Variants in CXCL17 observed in about 807,000 individuals in gnomAD.
CXCL17 encodes the protein C-X-C motif chemokine 17.
A neutral mutation model predicts 15.5 loss-of-function variants in CXCL17; 9 were observed. That is an observed-to-expected ratio of 0.58 (90% confidence interval 0.35 to 1.01). The LOEUF (loss-of-function observed/expected upper bound fraction) is 1.01. CXCL17 is among the 50% of genes least tolerant of loss of function. CXCL17 has a pLI of 0.02. For missense variants in CXCL17, 133 were observed against 138.2 expected (o/e 0.96, Z 0.19); for synonymous variants, 52 against 52.3 (o/e 0.99, Z 0.02).
At chr19:42,431,683 A>G (rs982065829) in intron 3 of CXCL17, among the ~76,000 whole-genome samples, 1 of 149,298 alleles carries the variant, frequency 6.7e-6, no homozygotes, top group Non-Finnish European at 1.5e-5. Flanking sequence ...CATTATTATT[A>G]TTATTATTTT....
At position 42,428,872 on chromosome 19, in the gene CXCL17, C is replaced by T. The variant is rs369676170; in HGVS notation, c.*12G>A. On this transcript the variant is annotated 3_prime_UTR_variant, in exon 4 of 4. Coordinates refer to ENST00000601181, the MANE Select transcript of CXCL17 (RefSeq NM_198477.3). ...GAGAATGTTTAATTGGAAGAGTGGG[C>T]GCTCAGAGCTCCTACAAAGGCAGAG... is the stretch of plus-strand genomic sequence containing the variant. The T allele has an allele frequency of 8.5e-5, 136 of 1,596,590 alleles. No homozygotes were observed. The highest frequency in any genetic ancestry group is 1.1e-4 in the Non-Finnish European group (129 of 1,164,336).
In CXCL17 at chr19:42,442,945, A is replaced by C. The variant is rs28514561; in HGVS notation, c.-113T>G. ...GTCAGGATACTCAGCCTGGTGGTCT[A>C]TGCTTTAGTCCCAGGCCAGCGTTCC... On this transcript the variant is annotated 5_prime_UTR_variant, in exon 1 of 4. Coordinates refer to ENST00000601181, the MANE Select transcript of CXCL17 (RefSeq NM_198477.3). The C allele has an allele frequency of 0.019, 14,371 of 745,534 alleles. 1,363 individuals are homozygous for C. The African/African-American group carries it at 0.21, about 11-fold the overall frequency. 46.2% of individuals were successfully genotyped at this position (745,534 alleles called of 1,614,324 possible).
At chr19:42,438,440 T>C (rs1338532299) in intron 1 of CXCL17, among the ~76,000 whole-genome samples, 1 of 138,676 alleles carries the variant, frequency 7.2e-6, no homozygotes, top group African/African-American at 2.8e-5. Context: ...CACACACATA[T>C]ATACTGTAAT....
At chr19:42,430,335 C>T (rs2040765664) in intron 3 of CXCL17, among the ~76,000 whole-genome samples, 1 of 152,058 alleles carries the variant, frequency 6.6e-6, no homozygotes, top group Admixed American at 6.6e-5. Flanking sequence ...GTGGCTCATG[C>T]CTGTAATCCC....
intron 1 of CXCL17, among the ~76,000 whole-genome samples, chr19:42,438,381 A>AAAAATATATATATATAT (rs1555793041): frequency 1.6e-5 from 1 of 63,860 alleles, no homozygotes; most frequent in African/African-American, 7.6e-5. Context: ...AAAAAAAAAA[A>AAAAATATATATATATAT]ATATATATAT....
chr19:42,439,118 G>A (rs963418869), intron 1 of CXCL17, among the ~76,000 whole-genome samples: 1 of 152,002 alleles, frequency 6.6e-6, no homozygotes, highest in Admixed American at 6.5e-5. Context: ...GCTGGGTGTG[G>A]TGGTGTCTGC....
At chr19:42,441,125 C>T (rs550577202) in intron 1 of CXCL17, among the ~76,000 whole-genome samples, 5 of 152,186 alleles carry the variant, frequency 3.3e-5, no homozygotes, top group East Asian at 3.9e-4. Flanking sequence ...AGCTGGATAG[C>T]GTGAGGGATA....
Position 42,442,815 on chromosome 19 carries a change from A to C in CXCL17, c.18T>G (p.Ser6=), listed in dbSNP as rs147323057. Residue 6 remains serine (S), a synonymous_variant, in exon 1 of 4, where the codon TCT becomes TCG. Transcript: ENST00000601181. ...TTAGTGGCAGCAACAGGAGGAGGGA[A>C]GAGATTAGAACTTTCATCGCAACTG... MKVLI[S]SLLLLLPLML... is the part of the protein sequence containing the mutation. 47 of 1,613,064 alleles carry C rather than the reference A, an allele frequency of 2.9e-5. No homozygotes were observed. In the East Asian group the frequency reaches 9.6e-4, roughly 33 times the overall value.
intron 1 of CXCL17, among the ~76,000 whole-genome samples, chr19:42,434,802 A>G (rs1357742411): frequency 6.6e-6 from 1 of 152,194 alleles, no homozygotes; most frequent in African/African-American, 2.4e-5. Flanking sequence ...TTCCTCTGGA[A>G]CAAATACATT....
chr19:42,438,885 A>G (rs994225301), intron 1 of CXCL17, among the ~76,000 whole-genome samples: 2 of 152,162 alleles, frequency 1.3e-5, no homozygotes, highest in Admixed American at 1.3e-4. Flanking sequence ...ATAATAAATA[A>G]TGATAGTAGT....
chr19:42,429,481 A>G (rs1436003942), intron 3 of CXCL17, among the ~76,000 whole-genome samples: 1 of 150,904 alleles, frequency 6.6e-6, no homozygotes, highest in African/African-American at 2.4e-5. Context: ...GGCACCCACC[A>G]TCATGCCTGG....
In CXCL17 at chr19:42,428,886, A is replaced by G. The variant is rs1387727828; in HGVS notation, c.358T>C (p.Ter120GlnextTer3). Residue 120 changes from the stop codon to glutamine, a stop_lost, in exon 4 of 4, where the codon TAG (stop) becomes CAG (glutamine). Transcript: ENST00000601181. ...GGAAGAGTGGGCGCTCAGAGCTCCT[A>G]CAAAGGCAGAGCAAAGCTTCTTAGC... is the stretch of plus-strand genomic sequence containing the variant. ...CQLRSFALPL[*>Q] is the part of the protein sequence containing the mutation. 1.2e-6 allele frequency: 2 copies of G among 1,612,854 alleles called. No individual in the cohort carries two copies. The highest frequency in any genetic ancestry group is 1.7e-6 in the Non-Finnish European group (2 of 1,178,836).
At chr19:42,436,483 G>A (rs2040835246) in intron 1 of CXCL17, among the ~76,000 whole-genome samples, 1 of 145,126 alleles carries the variant, frequency 6.9e-6, no homozygotes, top group Non-Finnish European at 1.5e-5. Flanking sequence ...TAATTCTGAA[G>A]TTTTTTTTTT....
At position 42,428,965 on chromosome 19, in the gene CXCL17, G is replaced by A; in HGVS notation, c.279C>T (p.His93=). The change falls in exon 4 of 4, where the codon CAC becomes CAT. Residue 93 remains histidine, a synonymous_variant. Coordinates refer to ENST00000601181, the MANE Select transcript of CXCL17 (RefSeq NM_198477.3). The part of the protein sequence containing the change: ...NVKKTRHQRH[H]RKPNKHSRAC... ...CTCTGGAATGCTTGTTTGGCTTTCT[G>A]TGGTGCCTTTGGTGTCCTAGGGTGC... is the stretch of plus-strand genomic sequence containing the variant. 3 of 1,614,060 alleles carry A rather than the reference G, an allele frequency of 1.9e-6. No individual in the cohort carries two copies. The highest frequency in any genetic ancestry group is 2.5e-6 in the Non-Finnish European group (3 of 1,179,926).
intron 1 of CXCL17, among the ~76,000 whole-genome samples, chr19:42,438,381 A>AAAATATATATATATATATATAT (rs1555793041): frequency 1.6e-5 from 1 of 63,860 alleles, no homozygotes; most frequent in African/African-American, 7.6e-5. Flanking sequence ...AAAAAAAAAA[A>AAAATATATATATATATATATAT]ATATATATAT....
chr19:42,436,674 G>C (rs183273587), intron 1 of CXCL17, among the ~76,000 whole-genome samples: 13 of 152,274 alleles, frequency 8.5e-5, no homozygotes, highest in African/African-American at 3.1e-4. Flanking sequence ...GCATGTTGCT[G>C]TGTCATCTTC....
Position 42,428,936 on chromosome 19 carries a change from C to T in CXCL17, c.308G>A (p.Cys103Tyr). 1 of 1,614,136 alleles carries T rather than the reference C, an allele frequency of 6.2e-7. No homozygotes were observed. The highest frequency in any genetic ancestry group is 8.5e-7 in the Non-Finnish European group (1 of 1,180,014). Reference sequence around the variant, plus strand: ...CTGACATTGTTTGAGAAATTGCTGGCAGGCTCTGGAATGCTTGTTTGGCTT... The same window carrying T: ...CTGACATTGTTTGAGAAATTGCTGGTAGGCTCTGGAATGCTTGTTTGGCTT... The part of the protein sequence containing the change: ...HRKPNKHSRA[C>Y]QQFLKQCQLR... The change falls in exon 4 of 4, where the codon TGC becomes TAC. Residue 103 changes from cysteine to tyrosine, a missense_variant. By Grantham distance (194) the Cys-to-Tyr change is radical (BLOSUM62 -2). Coordinates refer to ENST00000601181, the MANE Select transcript of CXCL17 (RefSeq NM_198477.3).
intron 1 of CXCL17, 134 bp from the exon 2 acceptor site, chr19:42,433,990 T>C (rs1056287969): frequency 3.2e-6 from 2 of 619,260 alleles, no homozygotes; most frequent in Non-Finnish European, 5.7e-6. Context: ...CTTCAAGAGA[T>C]GAATATTTTA....
At chr19:42,432,867 C>A in intron 3 of CXCL17, 109 bp downstream of exon 3, 1 of 793,934 alleles carries the variant, frequency 1.3e-6, no homozygotes, top group South Asian at 1.5e-5. Context: ...GAGTTGTGTG[C>A]TTATCCTGGT....
Sources: gnomAD v4.1 joint callset for allele counts (sites outside exome capture counted in the v4.1 genomes callset) on GRCh38, gnomAD v4.1.1 for gene constraint, MANE v1.5 for transcripts, NCBI Gene and HGNC (gene_info 2026-07-23, HGNC 2026-07-21) for gene names.